Variants in AJAP1 observed in about 807,000 individuals in gnomAD.
AJAP1 encodes the protein adherens junction-associated protein 1.
In AJAP1, 5 loss-of-function variants were observed where a neutral mutation model predicts 35.0. That is an observed-to-expected ratio of 0.14 (90% CI 0.07 to 0.30). The LOEUF (loss-of-function observed/expected upper bound fraction) is 0.30, where lower values mean the gene tolerates loss of function less well. Ranked by LOEUF, AJAP1 falls within the 10% of genes least tolerant of loss-of-function variation. The pLI is 1.00. For synonymous variants in AJAP1, 284 were observed against 249.3 expected (o/e 1.14, Z -1.31); for missense variants, 586 against 571.0 (o/e 1.03, Z -0.27).
intron 2 of AJAP1, among the ~76,000 whole-genome samples, chr1:4,719,556 G>A (rs372884695): frequency 3.9e-5 from 6 of 152,136 alleles, no homozygotes; most frequent in African/African-American, 4.8e-5. Context: ...TCTCGGGGGC[G>A]TGTGGTGGGG....
At chr1:4,774,885 A>G (rs891302438) in intron 5 of AJAP1, among the ~76,000 whole-genome samples, 1 of 152,156 alleles carries the variant, frequency 6.6e-6, no homozygotes, top group African/African-American at 2.4e-5. Context: ...AGGGAAAGTC[A>G]TTCCCTAAAA....
At chr1:4,728,907 G>T (rs1052454633) in intron 2 of AJAP1, among the ~76,000 whole-genome samples, 2 of 152,008 alleles carry the variant, frequency 1.3e-5, no homozygotes, top group African/African-American at 4.8e-5. Context: ...GGACATGGGA[G>T]CTCTCCGGGG....
intron 2 of AJAP1, among the ~76,000 whole-genome samples, chr1:4,755,642 A>T (rs1296006072): frequency 6.6e-6 from 1 of 150,972 alleles, no homozygotes; most frequent in Non-Finnish European, 1.5e-5. Flanking sequence ...TTATTCAATG[A>T]GACTTGTTAG....
At chr1:4,771,531 C>T (rs2100361362) in intron 3 of AJAP1, among the ~76,000 whole-genome samples, 1 of 152,286 alleles carries the variant, frequency 6.6e-6, no homozygotes, top group African/African-American at 2.4e-5. Context: ...CAGCCAGCCC[C>T]CTTGTCCTTC....
At chr1:4,662,470 C>T (rs943139541) in intron 1 of AJAP1, among the ~76,000 whole-genome samples, 35 of 152,316 alleles carry the variant, frequency 2.3e-4, no homozygotes, top group African/African-American at 7.9e-4. Flanking sequence ...GTTGGCTTGC[C>T]GGTTCACCTG....
rs138529931 is a variant in AJAP1, at chr1:4,703,056, T to C, written c.30-8844T>C. Among the ~76,000 whole-genome samples the C allele has an allele frequency of 7.8e-4, 118 of 152,224 alleles. 1 individual carries two copies. Among genetic ancestry groups the C allele is most frequent in the African/African-American group, 2.6e-3 (108 of 41,552 alleles). ...AAGTATCGCATGCGCGCTGGACGTG[T>C]CCGGGCCTGTGATGATGAAAGCCCC... On this transcript the variant is annotated intron_variant, in intron 1 of 5. Transcript: ENST00000378191.
At position 4,786,689 on chromosome 1, in the gene AJAP1, T is replaced by C. The variant is rs1452448254; in HGVS notation, c.*4204T>C. On this transcript the variant is annotated 3_prime_UTR_variant, in exon 6 of 6. Transcript: ENST00000378191. ...CCCTTTTGCTTCTTTGCTCAGGTGG[T>C]CCAGGGTTGTCTGTAGCCCAGGAAG... 1 of 152,178 alleles carries C rather than the reference T, an allele frequency of 6.6e-6. No individual in the cohort carries two copies. The highest frequency in any genetic ancestry group is 2.4e-5 in the African/African-American group (1 of 41,440). 9.4% of individuals were successfully genotyped at this position (152,178 alleles called of 1,614,324 possible). A position where few individuals can be genotyped will look rare whatever the true frequency, so the allele number is the denominator to read the frequency against.
chr1:4,739,981 A>C (rs1641020017), intron 2 of AJAP1, among the ~76,000 whole-genome samples: 2 of 152,048 alleles, frequency 1.3e-5, no homozygotes, highest in Admixed American at 1.3e-4. Flanking sequence ...AGCTCACGAC[A>C]CCTCTCATCT....
At chr1:4,667,437 T>A (rs1300841778) in intron 1 of AJAP1, among the ~76,000 whole-genome samples, 2 of 152,152 alleles carry the variant, frequency 1.3e-5, no homozygotes, top group African/African-American at 4.8e-5. Context: ...CAGGGACCAG[T>A]TTCATGGAAG....
intron 2 of AJAP1, among the ~76,000 whole-genome samples, chr1:4,731,886 G>A (rs1452574644): frequency 6.6e-6 from 1 of 152,216 alleles, no homozygotes; most frequent in Non-Finnish European, 1.5e-5. Context: ...GAGCCCTCCT[G>A]GAGAGGGGCT....
chr1:4,659,016 G>T (rs951759792), intron 1 of AJAP1, among the ~76,000 whole-genome samples: 17 of 152,312 alleles, frequency 1.1e-4, no homozygotes, highest in African/African-American at 4.1e-4. Flanking sequence ...GGCAGGTGGG[G>T]CCCTGTGTGC....
In AJAP1 at chr1:4,728,965, A is replaced by G. The variant is rs1405368717; in HGVS notation, c.829+16266A>G. The stretch of plus-strand genomic sequence containing the variant: ...TGCCAGACCACACATCCATGTTTCC[A>G]TTATCCCCTGAGGCTCTGTAGGGCC... On this transcript the variant is annotated intron_variant, in intron 2 of 5. Coordinates refer to ENST00000378191, the MANE Select transcript of AJAP1 (RefSeq NM_018836.4). Among the ~76,000 whole-genome samples, 5 of 152,168 alleles carry G rather than the reference A, an allele frequency of 3.3e-5. No homozygotes were observed. In the South Asian group the frequency reaches 6.2e-4, roughly 19 times the overall value.
chr1:4,758,948 C>T (rs1641502208), intron 2 of AJAP1, among the ~76,000 whole-genome samples: 1 of 152,210 alleles, frequency 6.6e-6, no homozygotes, highest in Admixed American at 6.5e-5. Context: ...GCTTTCTGTG[C>T]ACTCTGCAAA....
chr1:4,679,692 C>G (rs1366889117), intron 1 of AJAP1, among the ~76,000 whole-genome samples: 1 of 152,140 alleles, frequency 6.6e-6, no homozygotes, highest in African/African-American at 2.4e-5. Flanking sequence ...AGATGCATCA[C>G]TCAAATCTCT....
intron 1 of AJAP1, among the ~76,000 whole-genome samples, chr1:4,677,743 CA>C (rs76101598): frequency 0.56 from 84,726 of 150,216 alleles, 23,874 homozygotes; most frequent in Middle Eastern, 0.7. Flanking sequence ...GATGTGCATT[CA>C]AAAAAAAAAA....
intron 2 of AJAP1, among the ~76,000 whole-genome samples, chr1:4,741,062 G>A (rs1346814389): frequency 6.6e-6 from 1 of 152,070 alleles, no homozygotes; most frequent in Non-Finnish European, 1.5e-5. Flanking sequence ...ACTCAAGGAG[G>A]ACATGAGAGC....
rs1378352286 is a variant in AJAP1 at position 4,660,822 on chromosome 1, T to C, written c.29+5368T>C. Among the ~76,000 whole-genome samples, 3 of 152,156 alleles carry C rather than the reference T, an allele frequency of 2.0e-5. No homozygotes were observed. In the East Asian group the frequency reaches 5.8e-4, roughly 29 times the overall value. On this transcript the variant is annotated intron_variant, in intron 1 of 5. Coordinates refer to ENST00000378191, the MANE Select transcript of AJAP1 (RefSeq NM_018836.4). ...TGAACGTGCAGTGTTGCTAATGTTA[T>C]GAGATCCATCATCGGTGACAGTAAT...
chr1:4,781,964 C>G (rs1199540557), intron 5 of AJAP1, among the ~76,000 whole-genome samples: 1 of 152,224 alleles, frequency 6.6e-6, no homozygotes, highest in Non-Finnish European at 1.5e-5. Flanking sequence ...CCTTCTCTCT[C>G]TTTGGCAAGA....
chr1:4,791,964 C>T lies in AJAP1; in HGVS notation c.*9479C>T, dbSNP rs1246171581. 1.3e-5 allele frequency: 2 copies of T among 152,124 alleles called. No homozygotes were observed. Among genetic ancestry groups the T allele is most frequent in the African/African-American group, 4.8e-5 (2 of 41,440 alleles). The allele number at this position is 152,124 out of a possible 1,614,324, so 9.4% of individuals were successfully genotyped here. A position where few individuals can be genotyped will look rare whatever the true frequency, so the allele number is the denominator to read the frequency against. The stretch of plus-strand genomic sequence containing the variant: ...AACCACAGGACAAGAAATTAAACAG[C>T]AACGGCCACATGGCCTCTTTTTTCA... On this transcript the variant is annotated 3_prime_UTR_variant, in exon 6 of 6. Coordinates refer to ENST00000378191, the MANE Select transcript of AJAP1 (RefSeq NM_018836.4).
Sources: allele counts gnomAD v4.1 joint callset (sites outside exome capture counted in the v4.1 genomes callset), GRCh38; gene constraint gnomAD v4.1.1; transcripts MANE v1.5; gene names NCBI Gene and HGNC (gene_info 2026-07-23, HGNC 2026-07-21).